The following ARL8B variants were observed in gnomAD, a reference collection of about 807,000 sequenced individuals.
ARL8B encodes the protein ARF like GTPase 8B, also known as ADP-ribosylation factor-like protein 8B.
In ARL8B, 9 loss-of-function variants were observed where a neutral mutation model predicts 30.6. That is an observed-to-expected ratio of 0.29 (90% CI 0.18 to 0.51). ARL8B has a LOEUF of 0.51. Among genes scored for constraint, ARL8B ranks in the 20% least tolerant of loss-of-function variants. The pLI is 0.97. For synonymous variants in ARL8B, 74 were observed against 76.0 expected (o/e 0.97, Z 0.14); for missense variants, 130 against 227.2 (o/e 0.57, Z 2.75).
At position 5,180,537 on chromosome 3, in the gene ARL8B, T is replaced by C. The variant is rs1178277445; in HGVS notation, c.*1824T>C. 1 of 152,680 alleles carries C rather than the reference T, an allele frequency of 6.5e-6. No homozygotes were observed. Among genetic ancestry groups the C allele is most frequent in the African/African-American group, 2.4e-5 (1 of 41,474 alleles). The allele number at this position is 152,680 out of a possible 1,614,324, so 9.5% of individuals were successfully genotyped here. A position where few individuals can be genotyped will look rare whatever the true frequency, so the allele number is the denominator to read the frequency against. ...TAATTGACCTATAGCTAAACCTTAATGTGTTTGTGTGTCTATACATTGCTT... is the reference window on the plus strand; with the variant it reads ...TAATTGACCTATAGCTAAACCTTAACGTGTTTGTGTGTCTATACATTGCTT... On this transcript the variant is annotated 3_prime_UTR_variant, in exon 7 of 7. Coordinates refer to ENST00000256496, the MANE Select transcript of ARL8B (RefSeq NM_018184.3).
At chr3:5,142,194 G>T (rs1228050922) in intron 1 of ARL8B, among the ~76,000 whole-genome samples, 1 of 152,148 alleles carries the variant, frequency 6.6e-6, no homozygotes, top group African/African-American at 2.4e-5. Context: ...CCAGACGTTA[G>T]CCTGGGGTAT....
intron 1 of ARL8B, among the ~76,000 whole-genome samples, chr3:5,150,492 A>AAATAAAGT (rs1470790553): frequency 1.3e-5 from 2 of 151,626 alleles, no homozygotes; most frequent in African/African-American, 4.9e-5. Flanking sequence ...ATAAATAAAT[A>AAATAAAGT]AAGTTTGGAG....
chr3:5,171,086 C>G (rs1424964494), intron 2 of ARL8B: 3 of 152,196 alleles, frequency 2.0e-5, no homozygotes, highest in Admixed American at 6.5e-5. Context: ...ATGGCCTGAG[C>G]CTTAATGTCC....
intron 1 of ARL8B, among the ~76,000 whole-genome samples, chr3:5,154,642 T>C (rs2054516449): frequency 6.6e-6 from 1 of 152,224 alleles, no homozygotes; most frequent in Non-Finnish European, 1.5e-5. Context: ...TCTTTTTATC[T>C]TGTAGAACTG....
intron 1 of ARL8B, among the ~76,000 whole-genome samples, chr3:5,125,241 A>G (rs2054220159): frequency 6.6e-6 from 1 of 152,206 alleles, no homozygotes; most frequent in South Asian, 2.1e-4. Flanking sequence ...ATACTGGCCC[A>G]CAGAAGGGGA....
rs2054663578 is a variant in ARL8B, at chr3:5,170,580, A to G, written c.201A>G (p.Ile67Met). 6.2e-7 allele frequency: 1 copy of G among 1,608,610 alleles called. No homozygotes were observed. The highest frequency in any genetic ancestry group is 8.5e-7 in the Non-Finnish European group (1 of 1,175,742). Residue 67 changes from isoleucine to methionine, a missense_variant, in exon 2 of 7, where the codon ATA (isoleucine) becomes ATG (methionine). Coordinates refer to ENST00000256496, the MANE Select transcript of ARL8B (RefSeq NM_018184.3). Reference protein sequence around the residue: ...MRKVTKGNVTIKIWDIGGQPR... With the variant: ...MRKVTKGNVTMKIWDIGGQPR... ...AGGTAACTAAAGGTAACGTCACAAT[A>G]AAGGTAAGTTATTTCTTGCCGTACG...
chr3:5,122,672 C>A (rs1052470352), intron 1 of ARL8B, 84 bp downstream of exon 1: 13 of 1,462,330 alleles, frequency 8.9e-6, no homozygotes, highest in African/African-American at 1.4e-5. Context: ...GTTGGGGCCC[C>A]CCTCGGCGCG....
intron 1 of ARL8B, among the ~76,000 whole-genome samples, chr3:5,142,025 A>G (rs1235794087): frequency 6.6e-6 from 1 of 152,026 alleles, no homozygotes; most frequent in Non-Finnish European, 1.5e-5. Flanking sequence ...TATTGACATT[A>G]AAAGAGTTTG....
chr3:5,125,618 T>C (rs2054224020), intron 1 of ARL8B, among the ~76,000 whole-genome samples: 1 of 151,886 alleles, frequency 6.6e-6, no homozygotes, highest in African/African-American at 2.4e-5. Flanking sequence ...CTGCAACCTC[T>C]GCCTCCTGGG....
chr3:5,169,340 T>A (rs955112275), intron 1 of ARL8B, among the ~76,000 whole-genome samples: 5 of 149,906 alleles, frequency 3.3e-5, no homozygotes, highest in Admixed American at 2.6e-4. Context: ...TGTGTGTGTG[T>A]GTGAGTGTGT....
intron 1 of ARL8B, among the ~76,000 whole-genome samples, chr3:5,143,585 A>G (rs2054394198): frequency 1.3e-5 from 2 of 152,150 alleles, no homozygotes; most frequent in Non-Finnish European, 2.9e-5. Flanking sequence ...CCTTGACTTG[A>G]GTACAGTGAG....
chr3:5,176,259 C>G (rs1361450711), intron 6 of ARL8B, among the ~76,000 whole-genome samples: 1 of 152,092 alleles, frequency 6.6e-6, no homozygotes, highest in Non-Finnish European at 1.5e-5. Context: ...AAGATGGAGT[C>G]TCACTCTGTC....
At chr3:5,159,936 C>G (rs1194469571) in intron 1 of ARL8B, among the ~76,000 whole-genome samples, 1 of 151,992 alleles carries the variant, frequency 6.6e-6, no homozygotes, top group Non-Finnish European at 1.5e-5. Context: ...CGCAAACATT[C>G]AAAAAGTAGT....
intron 1 of ARL8B, among the ~76,000 whole-genome samples, chr3:5,154,337 CTT>C (rs34406290): frequency 2.1e-5 from 3 of 142,604 alleles, no homozygotes; most frequent in Non-Finnish European, 1.5e-5. Context: ...GGTAAAATAA[CTT>C]TTTTTTTTTT....
chr3:5,122,456 G>A lies in ARL8B; in HGVS notation c.-10G>A, dbSNP rs763999119. The A allele has an allele frequency of 6.2e-7, 1 of 1,612,524 alleles. No homozygotes were observed. The highest frequency in any genetic ancestry group is 1.1e-5 in the South Asian group (1 of 91,004). Reference sequence around the variant, plus strand: ...CGTCCTCCCGTCCGTTCTCGCTCCCGGCCGCCATCATGCTGGCGCTCATCT... The same window carrying A: ...CGTCCTCCCGTCCGTTCTCGCTCCCAGCCGCCATCATGCTGGCGCTCATCT... On this transcript the variant is annotated 5_prime_UTR_variant, in exon 1 of 7. Transcript: ENST00000256496.
chr3:5,167,579 A>G (rs1193330028), intron 1 of ARL8B, among the ~76,000 whole-genome samples: 1 of 152,194 alleles, frequency 6.6e-6, no homozygotes. Flanking sequence ...ATTAACTCAT[A>G]ATTATCCAGA....
intron 1 of ARL8B, among the ~76,000 whole-genome samples, chr3:5,153,394 T>C (rs980367260): frequency 6.6e-6 from 1 of 152,200 alleles, no homozygotes; most frequent in Non-Finnish European, 1.5e-5. Flanking sequence ...GGAGTTTCTC[T>C]ACACAAGCTC....
chr3:5,127,648 C>G (rs150605287), intron 1 of ARL8B, among the ~76,000 whole-genome samples: 54 of 152,076 alleles, frequency 3.6e-4, no homozygotes, highest in African/African-American at 1.2e-3. Flanking sequence ...CTTTTAGTAT[C>G]TTTAAAAAGC....
intron 6 of ARL8B, 65 bp downstream of exon 6, chr3:5,174,479 C>T (rs1272460486): frequency 3.8e-6 from 4 of 1,062,800 alleles, no homozygotes; most frequent in Middle Eastern, 2.0e-4. Context: ...ATGCTTCTTA[C>T]AGCTTATTGT....
Sources: allele counts gnomAD v4.1 joint callset (sites outside exome capture counted in the v4.1 genomes callset), GRCh38; gene constraint gnomAD v4.1.1; transcripts MANE v1.5; gene names NCBI Gene and HGNC (gene_info 2026-07-23, HGNC 2026-07-21).